XXYLT1: variants seen among roughly 807,000 people sequenced by gnomAD.
XXYLT1 encodes the protein UDP-xylose:alpha-xyloside alpha-1,3-xylosyltransferase.
A neutral mutation model predicts 28.9 loss-of-function variants in XXYLT1; 20 were observed. The ratio of observed to expected loss-of-function variants is 0.69; its 90% CI spans 0.49 to 1.00. The LOEUF (loss-of-function observed/expected upper bound fraction) is 1.00, where lower values mean the gene tolerates loss of function less well. XXYLT1 is among the 50% of genes least tolerant of loss of function. The pLI is 0.00. For missense variants in XXYLT1, 542 were observed against 560.1 expected (o/e 0.97, Z 0.33); for synonymous variants, 257 against 253.8 (o/e 1.01, Z -0.12).
At chr3:195,096,416 T>C (rs1716448404) in intron 3 of XXYLT1, among the ~76,000 whole-genome samples, 1 of 152,206 alleles carries the variant, frequency 6.6e-6, no homozygotes, top group African/African-American at 2.4e-5. Flanking sequence ...CACACACGTA[T>C]ATATACACGA....
chr3:195,124,829 G>A lies in XXYLT1; in HGVS notation c.785+31620C>T, dbSNP rs577632503. ...CAGCGTACGGACAGGGGCTGGCTCCGGGAAGGCTGGAGTCTGAGCCGGCAC... is the reference window on the plus strand; with the variant it reads ...CAGCGTACGGACAGGGGCTGGCTCCAGGAAGGCTGGAGTCTGAGCCGGCAC... On this transcript the variant is annotated intron_variant, in intron 3 of 3. Transcript: ENST00000310380. The surrounding 1 kb of genome is among the most constrained non-coding windows in gnomAD (Gnocchi z 4.1). Among the ~76,000 whole-genome samples the A allele has an allele frequency of 7.6e-4, 116 of 152,270 alleles. No homozygotes were observed. Among genetic ancestry groups the A allele is most frequent in the Middle Eastern group, 3.4e-3 (1 of 294 alleles).
chr3:195,222,671 AGGTT>A (rs1723879958), intron 2 of XXYLT1, among the ~76,000 whole-genome samples: 2 of 152,308 alleles, frequency 1.3e-5, no homozygotes, highest in South Asian at 4.1e-4. Flanking sequence ...AAGTGAACGG[AGGTT>A]CATCTACTCA....
intron 3 of XXYLT1, chr3:195,148,115 G>A (rs904456566): frequency 9.2e-5 from 14 of 152,288 alleles, no homozygotes; most frequent in African/African-American, 2.6e-4. Flanking sequence ...GGTAAGAGAC[G>A]GTCACAATGA....
At chr3:195,120,656 G>A (rs1230995571) in intron 3 of XXYLT1, among the ~76,000 whole-genome samples, 1 of 152,156 alleles carries the variant, frequency 6.6e-6, no homozygotes, top group African/African-American at 2.4e-5. Context: ...TCCTCGGATG[G>A]CTCCATGAAA....
intron 3 of XXYLT1, among the ~76,000 whole-genome samples, chr3:195,089,455 A>C (rs1453785143): frequency 6.6e-6 from 1 of 152,160 alleles, no homozygotes; most frequent in Non-Finnish European, 1.5e-5. Context: ...GAAATAAAAT[A>C]CTTTACAGAC....
chr3:195,198,524 A>G (rs971074294), intron 2 of XXYLT1, among the ~76,000 whole-genome samples: 2 of 152,286 alleles, frequency 1.3e-5, no homozygotes, highest in African/African-American at 4.8e-5. Flanking sequence ...TCCCAACCGA[A>G]GCCACCCTAA....
chr3:195,234,608 C>T (rs533931315), intron 1 of XXYLT1, among the ~76,000 whole-genome samples: 99 of 152,200 alleles, frequency 6.5e-4, no homozygotes, highest in African/African-American at 2.3e-3. Flanking sequence ...CATGAGCCAC[C>T]GCACCCAGCC....
At chr3:195,167,122 C>T (rs1721166312) in intron 2 of XXYLT1, among the ~76,000 whole-genome samples, 1 of 152,244 alleles carries the variant, frequency 6.6e-6, no homozygotes, top group African/African-American at 2.4e-5. Flanking sequence ...CACATGGTGC[C>T]AGTGTGTCCT....
chr3:195,215,818 G>A (rs1362020764), intron 2 of XXYLT1, among the ~76,000 whole-genome samples: 17 of 152,154 alleles, frequency 1.1e-4, no homozygotes, highest in African/African-American at 2.7e-4. Context: ...TGCACCAAGC[G>A]GACCTAATAG....
intron 2 of XXYLT1, among the ~76,000 whole-genome samples, chr3:195,162,992 T>TG (rs961348459): frequency 3.3e-5 from 5 of 151,920 alleles, no homozygotes; most frequent in Admixed American, 6.5e-5. Flanking sequence ...TATAAGTTTT[T>TG]GGTTTTTTTT....
At chr3:195,258,981 G>A (rs966479845) in intron 1 of XXYLT1, among the ~76,000 whole-genome samples, 4 of 152,246 alleles carry the variant, frequency 2.6e-5, no homozygotes, top group African/African-American at 9.6e-5. Flanking sequence ...GCGCTTTCTA[G>A]AGTGACAACA....
chr3:195,140,610 C>A lies in XXYLT1; in HGVS notation c.785+15839G>T, dbSNP rs138365560. Among the ~76,000 whole-genome samples, 407 of 152,076 alleles carry A rather than the reference C, an allele frequency of 2.7e-3. 5 individuals carry two copies. Among genetic ancestry groups the A allele is most frequent in the African/African-American group, 7.6e-3 (315 of 41,484 alleles). ...TGGTGGAAGGTGTAGGGGAAGCAAG[C>A]ACATCTGCACATGGCAGCAGGAGAG... is the stretch of plus-strand genomic sequence containing the variant. On this transcript the variant is annotated intron_variant, in intron 3 of 3. Coordinates refer to ENST00000310380, the MANE Select transcript of XXYLT1 (RefSeq NM_152531.5).
chr3:195,251,506 G>A (rs1177750500), intron 1 of XXYLT1, among the ~76,000 whole-genome samples: 1 of 152,230 alleles, frequency 6.6e-6, no homozygotes, highest in Non-Finnish European at 1.5e-5. Context: ...GCTGCGCTGA[G>A]CACCGGGTCC....
chr3:195,159,869 T>C (rs1009667190), intron 2 of XXYLT1, among the ~76,000 whole-genome samples: 1 of 152,084 alleles, frequency 6.6e-6, no homozygotes, highest in Non-Finnish European at 1.5e-5. Context: ...GAATTGGCGG[T>C]GGTGGATCTC....
chr3:195,198,145 G>A (rs1722707142), intron 2 of XXYLT1, among the ~76,000 whole-genome samples: 1 of 152,200 alleles, frequency 6.6e-6, no homozygotes, highest in Admixed American at 6.5e-5. Context: ...TCTGGCTTGG[G>A]TTATAAAAAT....
intron 2 of XXYLT1, among the ~76,000 whole-genome samples, chr3:195,199,840 C>T (rs1207860490): frequency 1.3e-5 from 2 of 152,062 alleles, no homozygotes; most frequent in Non-Finnish European, 2.9e-5. Flanking sequence ...AAAATGAGAG[C>T]ATTAGACTTA....
In XXYLT1 at chr3:195,176,542, C is replaced by T. The variant is rs1721674739; in HGVS notation, c.653-19961G>A. ...TTGCTTGTGCGCCATCAGTACGTTC[C>T]ACCCCTCTGACACACTGGTATAATT... is the stretch of plus-strand genomic sequence containing the variant. On this transcript the variant is annotated intron_variant, in intron 2 of 3. Transcript: ENST00000310380. The surrounding 1 kb of genome is among the most constrained non-coding windows in gnomAD (Gnocchi z 4.9). Among the ~76,000 whole-genome samples, 1 of 152,178 alleles carries T rather than the reference C, an allele frequency of 6.6e-6. No homozygotes were observed. The highest frequency in any genetic ancestry group is 2.1e-4 in the South Asian group (1 of 4,832).
intron 3 of XXYLT1, among the ~76,000 whole-genome samples, chr3:195,107,643 A>C (rs1403547201): frequency 1.0e-4 from 1 of 9,600 alleles, no homozygotes. Context: ...GGGGAGGAGG[A>C]GGAGGAGGAG....
At chr3:195,212,534 G>A (rs528535019) in intron 2 of XXYLT1, among the ~76,000 whole-genome samples, 15 of 152,270 alleles carry the variant, frequency 9.9e-5, no homozygotes, top group East Asian at 5.8e-4. Flanking sequence ...GTAGGAACCC[G>A]GCCGCACAGC....
Sources: allele counts gnomAD v4.1 joint callset (sites outside exome capture counted in the v4.1 genomes callset), GRCh38; gene constraint gnomAD v4.1.1; non-coding constraint Gnocchi (gnomAD v3.1); transcripts MANE v1.5; gene names NCBI Gene and HGNC (gene_info 2026-07-23, HGNC 2026-07-21).